Variants in TUNAR observed in about 807,000 individuals in gnomAD.
TUNAR encodes the protein transmembrane neural differentiation associated intracellular calcium regulator.
At chr14:95,918,956 G>A (rs1889649530) in intron 2 of TUNAR, among the ~76,000 whole-genome samples, 2 of 152,088 alleles carry the variant, frequency 1.3e-5, no homozygotes, top group South Asian at 2.1e-4. Flanking sequence ...CTCCATGCCC[G>A]GCATCACGCT....
chr14:95,905,552 G>T (rs1889417475), intron 2 of TUNAR, among the ~76,000 whole-genome samples: 1 of 152,182 alleles, frequency 6.6e-6, no homozygotes, highest in South Asian at 2.1e-4. Flanking sequence ...CCCCTATCGG[G>T]ATTCATGGTG....
chr14:95,908,438 G>A (rs564297535), intron 2 of TUNAR, among the ~76,000 whole-genome samples: 2 of 152,324 alleles, frequency 1.3e-5, no homozygotes, highest in African/African-American at 4.8e-5. Flanking sequence ...CAGGCAAAGT[G>A]CGTCCTCCCA....
chr14:95,920,538 G>GC (rs1889680175), intron 2 of TUNAR, among the ~76,000 whole-genome samples: 1 of 152,150 alleles, frequency 6.6e-6, no homozygotes, highest in Admixed American at 6.5e-5. Context: ...TATGAAACTT[G>GC]CCTTTAGGGT....
intron 2 of TUNAR, among the ~76,000 whole-genome samples, chr14:95,907,606 G>A (rs1252104583): frequency 6.6e-6 from 1 of 152,180 alleles, no homozygotes; most frequent in Non-Finnish European, 1.5e-5. Flanking sequence ...GCAAGATGAA[G>A]AGGTGCTTTA....
chr14:95,890,022 G>T (rs941858372), intron 2 of TUNAR, among the ~76,000 whole-genome samples: 2 of 151,222 alleles, frequency 1.3e-5, no homozygotes, highest in African/African-American at 4.9e-5. Flanking sequence ...TCCCCAAGGG[G>T]TGGGGTCTCA....
chr14:95,918,008 G>T (rs1303808160), intron 2 of TUNAR, among the ~76,000 whole-genome samples: 1 of 152,232 alleles, frequency 6.6e-6, no homozygotes, highest in East Asian at 1.9e-4. Context: ...ATGAGTAAAT[G>T]ATTGAGTGGA....
At chr14:95,912,220 A>G (rs982352155) in intron 2 of TUNAR, among the ~76,000 whole-genome samples, 2 of 152,234 alleles carry the variant, frequency 1.3e-5, no homozygotes, top group Non-Finnish European at 2.9e-5. Flanking sequence ...TGTTTTTCCT[A>G]AACAAGTAAG....
intron 2 of TUNAR, among the ~76,000 whole-genome samples, chr14:95,890,439 C>T (rs777801645): frequency 4.6e-5 from 7 of 152,162 alleles, no homozygotes; most frequent in African/African-American, 1.4e-4. Context: ...GCCTAATTTC[C>T]CAGGAGAGAA....
At chr14:95,900,039 A>G (rs1366892362) in intron 2 of TUNAR, among the ~76,000 whole-genome samples, 1 of 152,220 alleles carries the variant, frequency 6.6e-6, no homozygotes, top group East Asian at 1.9e-4. Context: ...CAGCTTTGGG[A>G]TGCTCCTTAA....
chr14:95,899,481 G>C (rs1595120120), intron 2 of TUNAR, among the ~76,000 whole-genome samples: 1 of 152,232 alleles, frequency 6.6e-6, no homozygotes, highest in Non-Finnish European at 1.5e-5. Context: ...ATAATTCAAG[G>C]GGGTGTTTGA....
intron 2 of TUNAR, among the ~76,000 whole-genome samples, chr14:95,885,266 T>C (rs998187954): frequency 1.3e-5 from 2 of 152,242 alleles, no homozygotes; most frequent in African/African-American, 4.8e-5. Context: ...GGATGCTTTC[T>C]CTGGACATAT....
At chr14:95,917,368 A>G (rs1889622317) in intron 2 of TUNAR, among the ~76,000 whole-genome samples, 3 of 152,018 alleles carry the variant, frequency 2.0e-5, no homozygotes. Flanking sequence ...TCTTTGGCCT[A>G]TTTGTCTAAG....
intron 2 of TUNAR, among the ~76,000 whole-genome samples, chr14:95,897,029 A>G (rs11848186): frequency 0.056 from 8,558 of 152,310 alleles, 805 homozygotes; most frequent in African/African-American, 0.19. Context: ...TTCACAGTAA[A>G]ACCGTTTTTA....
chr14:95,882,877 A>G (rs538849177), intron 2 of TUNAR, among the ~76,000 whole-genome samples: 1 of 152,242 alleles, frequency 6.6e-6, no homozygotes, highest in Non-Finnish European at 1.5e-5. Context: ...TAAATGATCA[A>G]TATTGATAAG....
intron 2 of TUNAR, among the ~76,000 whole-genome samples, chr14:95,877,728 G>C (rs943234913): frequency 6.6e-6 from 1 of 152,180 alleles, no homozygotes; most frequent in Non-Finnish European, 1.5e-5. Flanking sequence ...AACTGCTTCC[G>C]TCTCGAGAGT....
intron 2 of TUNAR, among the ~76,000 whole-genome samples, chr14:95,910,466 G>A (rs1483018805): frequency 2.0e-5 from 3 of 152,214 alleles, no homozygotes; most frequent in African/African-American, 2.4e-5. Context: ...TTATCATCAT[G>A]TGTGGCTGGA....
chr14:95,911,198 G>A (rs972862330), intron 2 of TUNAR, among the ~76,000 whole-genome samples: 3 of 152,050 alleles, frequency 2.0e-5, no homozygotes, highest in African/African-American at 7.2e-5. Context: ...ATGCTGCTGC[G>A]CCAGCCCTAC....
chr14:95,880,543 A>G (rs12882822), intron 2 of TUNAR, among the ~76,000 whole-genome samples: 8,318 of 152,290 alleles, frequency 0.055, 348 homozygotes, highest in East Asian at 0.13. Context: ...TGGGGTAAGA[A>G]GACTATGACA....
At chr14:95,892,981 G>T (rs972795866) in intron 2 of TUNAR, among the ~76,000 whole-genome samples, 3 of 152,154 alleles carry the variant, frequency 2.0e-5, no homozygotes, top group Admixed American at 6.5e-5. Flanking sequence ...TGGTAGATTT[G>T]GGCAAGGAGG....
Sources: gnomAD v4.1 joint callset for allele counts (sites outside exome capture counted in the v4.1 genomes callset) on GRCh38, gnomAD v4.1.1 for gene constraint, MANE v1.5 for transcripts, NCBI Gene and HGNC (gene_info 2026-07-23, HGNC 2026-07-21) for gene names.